Variants in ZNF726 observed in about 807,000 individuals in gnomAD.
ZNF726 encodes zinc finger protein 92 pseudogene 3.
In ZNF726, 15 loss-of-function variants were observed where a neutral mutation model predicts 11.6. The ratio of observed to expected loss-of-function variants is 1.29; its 90% CI spans 0.86 to 1.99. The LOEUF is 1.99. Among genes scored for constraint, ZNF726 ranks in the 30% most tolerant of loss-of-function variants. The pLI is 0.00. For missense variants in ZNF726, 890 were observed against 725.6 expected (o/e 1.23, Z -2.60); for synonymous variants, 295 against 243.6 (o/e 1.21, Z -1.96).
At position 23,933,188 on chromosome 19, in the gene ZNF726, A is replaced by G. The variant is rs1251182643; in HGVS notation, c.1072A>G (p.Thr358Ala). Residue 358 changes from threonine to alanine, a missense_variant, in exon 4 of 4, where the codon ACA becomes GCA. Thr to Ala is a moderately conservative substitution (Grantham distance 58). Coordinates refer to ENST00000594466, the MANE Select transcript of ZNF726 (RefSeq NM_001244038.2). ...TTTTAGCCAATTCGGACACCTTACTACACATAGGATAATTCATACTGGAGA... is the reference window on the plus strand; with the variant it reads ...TTTTAGCCAATTCGGACACCTTACTGCACATAGGATAATTCATACTGGAGA... ...KAFSQFGHLT[T>A]HRIIHTGEKP... 1 of 1,601,928 alleles carries G rather than the reference A, an allele frequency of 6.2e-7. No individual in the cohort carries two copies. Among genetic ancestry groups the G allele is most frequent in the Non-Finnish European group, 8.5e-7 (1 of 1,173,466 alleles).
Position 23,933,637 on chromosome 19 carries a change from A to G in ZNF726, c.1521A>G (p.Lys507=). 1.9e-6 allele frequency: 3 copies of G among 1,612,594 alleles called. No individual in the cohort carries two copies. The highest frequency in any genetic ancestry group is 1.3e-5 in the African/African-American group (1 of 74,968). ...TAHKIIHTGE[K]PYKCEECGKA... The stretch of plus-strand genomic sequence containing the variant: ...ATAAGATAATTCATACTGGAGAGAA[A>G]CCCTACAAATGTGAAGAATGTGGCA... Residue 507 remains lysine, a synonymous_variant, in exon 4 of 4, where the codon AAA becomes AAG. Coordinates refer to ENST00000594466, the MANE Select transcript of ZNF726 (RefSeq NM_001244038.2).
chr19:23,915,061 G>A (rs1357560758), intron 1 of ZNF726, 64 bp downstream of exon 1: 5 of 1,612,134 alleles, frequency 3.1e-6, no homozygotes, highest in Non-Finnish European at 4.2e-6. Context: ...GGTGGGAAGC[G>A]GCAGTGGCGG....
chr19:23,931,495 TA>T (rs1968104559), intron 3 of ZNF726, among the ~76,000 whole-genome samples: 2 of 152,192 alleles, frequency 1.3e-5, no homozygotes, highest in African/African-American at 4.8e-5. Context: ...GTATAAATCT[TA>T]TTTTTTTATG....
In ZNF726 at chr19:23,934,114, A is replaced by G. The variant is rs1968185417; in HGVS notation, c.*147A>G. The G allele has an allele frequency of 1.8e-6, 2 of 1,099,480 alleles. No individual in the cohort carries two copies. The highest frequency in any genetic ancestry group is 1.4e-6 in the Non-Finnish European group (1 of 726,662). The allele number at this position is 1,099,480 out of a possible 1,614,324, so 68.1% of individuals were successfully genotyped here. ...ATCCTCAAATCTTACTAAACATTAG[A>G]TAATTCACACTGGAGAGAAACCTTA... On this transcript the variant is annotated 3_prime_UTR_variant, in exon 4 of 4. Coordinates refer to ENST00000594466, the MANE Select transcript of ZNF726 (RefSeq NM_001244038.2).
chr19:23,919,881 T>C (rs2144961339), intron 2 of ZNF726, 106 bp from the exon 3 acceptor site: 1 of 633,608 alleles, frequency 1.6e-6, no homozygotes, highest in South Asian at 2.4e-5. Context: ...GTATATGGGA[T>C]AAATTTATTA....
chr19:23,931,561 G>A (rs1487839128), intron 3 of ZNF726, among the ~76,000 whole-genome samples: 1 of 151,914 alleles, frequency 6.6e-6, no homozygotes, highest in Non-Finnish European at 1.5e-5. Context: ...GCTATATTTT[G>A]TATATATTAT....
chr19:23,929,795 TTTA>T lies in ZNF726; in HGVS notation c.227-2545_227-2543del, dbSNP rs1439243134. Reference sequence around the variant, plus strand: ...GTGTATTAACATATTTATGCAGGTTTTTATTCTGTTTTAAATATTCTACAGAAT... The same window carrying T: ...GTGTATTAACATATTTATGCAGGTTTTTCTGTTTTAAATATTCTACAGAAT... On this transcript the variant is annotated intron_variant, in intron 3 of 3. Coordinates refer to ENST00000594466, the MANE Select transcript of ZNF726 (RefSeq NM_001244038.2). Among the ~76,000 whole-genome samples the T allele has an allele frequency of 2.0e-5, 3 of 152,188 alleles. No individual in the cohort carries two copies. The East Asian group carries it at 5.8e-4, about 29-fold the overall frequency.
chr19:23,939,066 C>T (rs183473865), downstream of ZNF726, among the ~76,000 whole-genome samples: 10 of 152,028 alleles, frequency 6.6e-5, no homozygotes, highest in East Asian at 1.9e-3. Context: ...CTGATGGACC[C>T]ATCACCTGAG....
chr19:23,930,183 A>G (rs995875928), intron 3 of ZNF726, among the ~76,000 whole-genome samples: 1 of 152,140 alleles, frequency 6.6e-6, no homozygotes, highest in East Asian at 1.9e-4. Flanking sequence ...CATCTTTTTA[A>G]AGAGAAATAC....
Position 23,933,470 on chromosome 19 carries a change from C to A in ZNF726, c.1354C>A (p.Pro452Thr). Residue 452 changes from proline to threonine, a missense_variant, in exon 4 of 4, where the codon CCC becomes ACC. Coordinates refer to ENST00000594466, the MANE Select transcript of ZNF726 (RefSeq NM_001244038.2). ...EHKKIHTREK[P>T]YKCEECSKAF... ...TAAGAAAATTCATACTAGAGAGAAA[C>A]CCTACAAATGTGAAGAATGTAGTAA... is the stretch of plus-strand genomic sequence containing the variant. 6.2e-7 allele frequency: 1 copy of A among 1,612,358 alleles called. No homozygotes were observed. Among genetic ancestry groups the A allele is most frequent in the Non-Finnish European group, 8.5e-7 (1 of 1,179,600 alleles).
chr19:23,927,113 G>T (rs1807259471), intron 3 of ZNF726, among the ~76,000 whole-genome samples: 2 of 151,990 alleles, frequency 1.3e-5, no homozygotes, highest in African/African-American at 4.8e-5. Context: ...GAGTAGCTGG[G>T]ATTACATGCC....
Position 23,933,436 on chromosome 19 carries a change from T to TA in ZNF726, c.1321dup (p.Thr441AsnfsTer2). The TA allele has an allele frequency of 6.2e-7, 1 of 1,611,696 alleles. No individual in the cohort carries two copies. Among genetic ancestry groups the TA allele is most frequent in the Non-Finnish European group, 8.5e-7 (1 of 1,179,368 alleles). On this transcript the variant is annotated frameshift_variant, in exon 4 of 4. Coordinates refer to ENST00000594466, the MANE Select transcript of ZNF726 (RefSeq NM_001244038.2). LOFTEE classifies it low-confidence loss of function (END_TRUNC). ...AAGCGTTTATATGGTCCTCAAACCT[T>TA]ACTGAACATAAGAAAATTCATACTA...
chr19:23,938,158 ATGT>A, downstream of ZNF726, among the ~76,000 whole-genome samples: 1 of 152,196 alleles, frequency 6.6e-6, no homozygotes, highest in East Asian at 1.9e-4. Flanking sequence ...AAGTTAAAGA[ATGT>A]TGTTCCTATA....
At chr19:23,937,961 C>G (rs1417181515), downstream of ZNF726, among the ~76,000 whole-genome samples, 1 of 152,208 alleles carries the variant, frequency 6.6e-6, no homozygotes, top group Non-Finnish European at 1.5e-5. Flanking sequence ...GTGAACTTAA[C>G]TTTTCAATTC....
intron 3 of ZNF726, among the ~76,000 whole-genome samples, chr19:23,924,921 A>G (rs1169978823): frequency 6.6e-6 from 1 of 152,158 alleles, no homozygotes; most frequent in Non-Finnish European, 1.5e-5. Context: ...TTTCAGGCAT[A>G]TCATGTATAT....
rs780728059 is a variant in ZNF726 at position 23,933,598 on chromosome 19, A to G, written c.1482A>G (p.Ser494=). Reference sequence around the variant, plus strand: ...GTGGCAAAGCTTTTAGCCAGTCCTCAACCCTTACTGCACATAAGATAATTC... The same window carrying G: ...GTGGCAAAGCTTTTAGCCAGTCCTCGACCCTTACTGCACATAAGATAATTC... The part of the protein sequence containing the change: ...EECGKAFSQS[S]TLTAHKIIHT... Residue 494 remains serine (S), a synonymous_variant, in exon 4 of 4, where the codon TCA becomes TCG. Coordinates refer to ENST00000594466, the MANE Select transcript of ZNF726 (RefSeq NM_001244038.2). 6.2e-7 allele frequency: 1 copy of G among 1,611,794 alleles called. No homozygotes were observed. Among genetic ancestry groups the G allele is most frequent in the Admixed American group, 1.7e-5 (1 of 59,986 alleles).
chr19:23,939,647 A>G (rs1968304786), intron 3 of ZNF726, among the ~76,000 whole-genome samples: 1 of 152,148 alleles, frequency 6.6e-6, no homozygotes, highest in Admixed American at 6.5e-5. Flanking sequence ...CTAGAAGTGT[A>G]GAAGTGTTCC....
At chr19:23,941,091 T>G (rs1968331104) in intron 3 of ZNF726, among the ~76,000 whole-genome samples, 1 of 152,208 alleles carries the variant, frequency 6.6e-6, no homozygotes, top group African/African-American at 2.4e-5. Flanking sequence ...CTTTTCCCCA[T>G]TCTCTATTAT....
intron 3 of ZNF726, among the ~76,000 whole-genome samples, chr19:23,939,721 A>C (rs973417963): frequency 1.3e-5 from 2 of 152,178 alleles, no homozygotes; most frequent in Non-Finnish European, 2.9e-5. Context: ...CCATTCTTGC[A>C]GGAATAAGGT....
Sources: allele counts gnomAD v4.1 joint callset (sites outside exome capture counted in the v4.1 genomes callset), GRCh38; gene constraint gnomAD v4.1.1; transcripts MANE v1.5; gene names NCBI Gene and HGNC (gene_info 2026-07-23, HGNC 2026-07-21).